The following DIAPH2 variants were observed in gnomAD, a reference collection of about 807,000 sequenced individuals.
The protein encoded by DIAPH2 is diaphanous related formin 2, also known as protein diaphanous homolog 2.
DIAPH2 carries 35 observed loss-of-function variants against 92.7 expected under a neutral mutation model. That is an observed-to-expected ratio of 0.38 (90% CI 0.29 to 0.50). DIAPH2 has a LOEUF of 0.50. Ranked by LOEUF, DIAPH2 falls within the 20% of genes least tolerant of loss-of-function variation. The pLI is 0.94. For synonymous variants in DIAPH2, 301 were observed against 280.4 expected, an observed-to-expected ratio of 1.07 and a Z score of -0.73; for missense variants, 701 against 819.5, an observed-to-expected ratio of 0.86 and a Z score of 1.77.
intron 22 of DIAPH2, among the ~76,000 whole-genome samples, chrX:97,244,435 C>T (rs2068122490): frequency 9.0e-6 from 1 of 111,719 alleles, no homozygotes; most frequent in African/African-American, 3.2e-5. Context: ...TTATTTATTA[C>T]AGAAAGTTAG....
intron 17 of DIAPH2, among the ~76,000 whole-genome samples, chrX:96,973,319 G>C (rs754444270): frequency 9.0e-6 from 1 of 111,723 alleles, no homozygotes; most frequent in African/African-American, 3.3e-5. Context: ...GCAACATAGT[G>C]AGACCCCATC....
At chrX:96,962,496 C>CATAT (rs761811314) in intron 16 of DIAPH2, among the ~76,000 whole-genome samples, 598 of 44,730 alleles carry the variant, frequency 0.013, 35 homozygotes, top group East Asian at 0.041. Context: ...CACACACACA[C>CATAT]ATATATATAT....
intron 17 of DIAPH2, among the ~76,000 whole-genome samples, chrX:96,983,648 A>G (rs2066012190): frequency 9.0e-6 from 1 of 111,415 alleles, no homozygotes; most frequent in South Asian, 3.7e-4. Context: ...TGTTATTTTT[A>G]GGGACACAAC....
chrX:97,425,844 G>GTA (rs1312137602), intron 25 of DIAPH2, among the ~76,000 whole-genome samples: 2 of 107,464 alleles, frequency 1.9e-5, no homozygotes, highest in African/African-American at 6.8e-5. Context: ...GTGTGTGTGT[G>GTA]TATAATTTTT....
intron 25 of DIAPH2, among the ~76,000 whole-genome samples, chrX:97,388,692 C>T (rs897071068): frequency 2.7e-5 from 3 of 111,518 alleles, no homozygotes; most frequent in Non-Finnish European, 5.6e-5. Flanking sequence ...TCATTGAGGA[C>T]CCCAAATGCC....
rs145669354 is a variant in DIAPH2, at chrX:97,430,102, C to G, written c.3241+357C>G. ...TAAAAGTAATTGGCCCTAAGGAGAT[C>G]ACATTAGCTATTCACAGGTAAGGAA... is the stretch of plus-strand genomic sequence containing the variant. On this transcript the variant is annotated intron_variant, in intron 26 of 26. Transcript: ENST00000324765. Among the ~76,000 whole-genome samples, 336 of 111,686 alleles carry G rather than the reference C, an allele frequency of 3.0e-3. 1 individual carries two copies. Among genetic ancestry groups the G allele is most frequent in the African/African-American group, 8.8e-3 (270 of 30,832 alleles).
chrX:97,114,695 A>G (rs1259209198), intron 20 of DIAPH2, 31 bp from the exon 21 acceptor site: 2 of 1,158,140 alleles, frequency 1.7e-6, no homozygotes, highest in Non-Finnish European at 1.2e-6. Context: ...CATTAAATGT[A>G]TATTCTCATA....
chrX:96,736,723 G>A (rs1277745218), intron 2 of DIAPH2, among the ~76,000 whole-genome samples: 1 of 112,076 alleles, frequency 8.9e-6, no homozygotes, highest in Non-Finnish European at 1.9e-5. Context: ...TCTTACCAAG[G>A]TATAGCTGAA....
intron 23 of DIAPH2, among the ~76,000 whole-genome samples, chrX:97,300,956 A>AAAC (rs2068696132): frequency 4.7e-5 from 3 of 63,561 alleles, no homozygotes; most frequent in African/African-American, 1.4e-4. Flanking sequence ...AAAAAAAAAA[A>AAAC]AAAAAAAAAG....
At chrX:97,237,739 G>C (rs1182880531) in intron 22 of DIAPH2, among the ~76,000 whole-genome samples, 1 of 110,200 alleles carries the variant, frequency 9.1e-6, no homozygotes, top group African/African-American at 3.3e-5. Context: ...CTGCCACCGC[G>C]CCTGGCTAAT....
intron 17 of DIAPH2, among the ~76,000 whole-genome samples, chrX:97,058,588 C>G (rs980391964): frequency 9.2e-6 from 1 of 108,622 alleles, no homozygotes; most frequent in African/African-American, 3.4e-5. Context: ...TCCCCTGTTT[C>G]TCATACCTTT....
intron 26 of DIAPH2, among the ~76,000 whole-genome samples, chrX:97,596,832 A>G (rs1015194401): frequency 1.8e-5 from 2 of 112,191 alleles, no homozygotes; most frequent in African/African-American, 6.5e-5. Context: ...TGCTTAAAAA[A>G]CATGACTCCA....
At chrX:97,186,364 T>C (rs1347291569) in intron 22 of DIAPH2, among the ~76,000 whole-genome samples, 1 of 112,171 alleles carries the variant, frequency 8.9e-6, no homozygotes, top group African/African-American at 3.2e-5. Context: ...CCTTTTAATT[T>C]AATTTTTAAA....
At chrX:96,808,889 C>G (rs988432124) in intron 4 of DIAPH2, among the ~76,000 whole-genome samples, 1 of 111,346 alleles carries the variant, frequency 9.0e-6, no homozygotes, top group African/African-American at 3.3e-5. Context: ...GTATTTGTAT[C>G]CTTTTTCTCC....
At chrX:97,592,597 C>CCAA (rs1390336636) in intron 26 of DIAPH2, among the ~76,000 whole-genome samples, 6 of 111,973 alleles carry the variant, frequency 5.4e-5, no homozygotes, top group African/African-American at 1.6e-4. Context: ...AGGAACAATA[C>CCAA]CAACATCATA....
At chrX:97,150,437 G>A (rs2067278070) in intron 22 of DIAPH2, among the ~76,000 whole-genome samples, 1 of 111,184 alleles carries the variant, frequency 9.0e-6, no homozygotes, top group African/African-American at 3.3e-5. Flanking sequence ...TTTTTGTCAG[G>A]GTTCCTTAGC....
chrX:97,207,930 G>T (rs2067810844), intron 22 of DIAPH2, among the ~76,000 whole-genome samples: 1 of 111,388 alleles, frequency 9.0e-6, no homozygotes, highest in South Asian at 3.8e-4. Flanking sequence ...ATGGTGGGTG[G>T]ATCACGAGGT....
intron 25 of DIAPH2, among the ~76,000 whole-genome samples, chrX:97,427,657 GTTTTGTTTTTGTTTTTGT>G (rs60989289): frequency 4.1e-4 from 40 of 97,450 alleles, no homozygotes; most frequent in African/African-American, 1.2e-3. Context: ...TGTTTTGTTT[GTTTTGTTTTTGTTTTTGT>G]TTTTGTTTTT....
At chrX:96,919,401 G>A (rs765039591) in intron 9 of DIAPH2, among the ~76,000 whole-genome samples, 9 of 111,635 alleles carry the variant, frequency 8.1e-5, no homozygotes, top group African/African-American at 9.7e-5. Context: ...TGTCACAGTC[G>A]GAATTTGATT....
Sources: gnomAD v4.1 joint callset for allele counts (sites outside exome capture counted in the v4.1 genomes callset) on GRCh38, gnomAD v4.1.1 for gene constraint, MANE v1.5 for transcripts, NCBI Gene and HGNC (gene_info 2026-07-23, HGNC 2026-07-21) for gene names.